CNTN5: variants seen among roughly 807,000 people sequenced by gnomAD.
CNTN5 encodes the protein contactin 5, also known as contactin-5.
A neutral mutation model predicts 129.1 loss-of-function variants in CNTN5; 77 were observed. That is an observed-to-expected ratio of 0.60 (90% CI 0.50 to 0.72). The LOEUF (loss-of-function observed/expected upper bound fraction) is 0.72. Among genes scored for constraint, CNTN5 ranks in the 30% least tolerant of loss-of-function variants. The pLI is 0.00. For missense variants in CNTN5, 1,478 were observed against 1,328.8 expected, an observed-to-expected ratio of 1.11 and a Z score of -1.75; for synonymous variants, 509 against 465.6, an observed-to-expected ratio of 1.09 and a Z score of -1.20.
At chr11:99,533,673 T>C (rs1947796719) in intron 2 of CNTN5, among the ~76,000 whole-genome samples, 1 of 152,198 alleles carries the variant, frequency 6.6e-6, no homozygotes, top group Non-Finnish European at 1.5e-5. Flanking sequence ...CGCTGTTCAC[T>C]GGTGGGGGTA....
At chr11:100,150,983 G>T (rs1213360377) in intron 13 of CNTN5, among the ~76,000 whole-genome samples, 1 of 151,952 alleles carries the variant, frequency 6.6e-6, no homozygotes. Flanking sequence ...TTGAGGACAC[G>T]GTAAAAAAGT....
chr11:99,183,396 T>G (rs1034389696), intron 1 of CNTN5, among the ~76,000 whole-genome samples: 1 of 152,180 alleles, frequency 6.6e-6, no homozygotes, highest in African/African-American at 2.4e-5. Flanking sequence ...GAAGTGATTT[T>G]TGCAGAGATC....
intron 3 of CNTN5, among the ~76,000 whole-genome samples, chr11:99,782,545 G>T (rs1945349988): frequency 6.6e-6 from 1 of 151,678 alleles, no homozygotes; most frequent in Non-Finnish European, 1.5e-5. Context: ...AAAGAACAAA[G>T]CTGGAGGCAT....
At chr11:99,372,705 C>A (rs549577493) in intron 2 of CNTN5, among the ~76,000 whole-genome samples, 1 of 152,158 alleles carries the variant, frequency 6.6e-6, no homozygotes, top group South Asian at 2.1e-4. Context: ...TTGTGATGTT[C>A]TGATTTAAAA....
intron 9 of CNTN5, among the ~76,000 whole-genome samples, chr11:100,059,824 T>C (rs1038324548): frequency 1.3e-5 from 2 of 152,142 alleles, no homozygotes; most frequent in Non-Finnish European, 2.9e-5. Flanking sequence ...GATCCATCAG[T>C]CCTGCTTTTG....
chr11:99,871,051 A>C (rs1036088515), intron 6 of CNTN5, among the ~76,000 whole-genome samples: 18 of 152,082 alleles, frequency 1.2e-4, no homozygotes, highest in Non-Finnish European at 2.5e-4. Flanking sequence ...TGTAAGTAGC[A>C]ATTTACTAAT....
chr11:99,200,205 T>A (rs1859103557), intron 1 of CNTN5, among the ~76,000 whole-genome samples: 1 of 152,240 alleles, frequency 6.6e-6, no homozygotes, highest in African/African-American at 2.4e-5. Flanking sequence ...ATTAGCTATC[T>A]GATTTTGAGT....
At chr11:100,274,916 TGAA>T (rs1950476728) in intron 18 of CNTN5, among the ~76,000 whole-genome samples, 1 of 152,192 alleles carries the variant, frequency 6.6e-6, no homozygotes, top group South Asian at 2.1e-4. Flanking sequence ...ACCTGGGTGA[TGAA>T]ATAATCTGTA....
chr11:99,831,292 G>T (rs1404434483), intron 4 of CNTN5, among the ~76,000 whole-genome samples: 1 of 152,172 alleles, frequency 6.6e-6, no homozygotes, highest in Non-Finnish European at 1.5e-5. Context: ...CCTGGTTGTG[G>T]AAGTGTTTTT....
chr11:99,694,874 C>A (rs1236234832), intron 3 of CNTN5, among the ~76,000 whole-genome samples: 1 of 152,104 alleles, frequency 6.6e-6, no homozygotes, highest in African/African-American at 2.4e-5. Context: ...CAAAACCATT[C>A]TTCCTGGTAG....
intron 3 of CNTN5, among the ~76,000 whole-genome samples, chr11:99,619,664 G>C (rs550145944): frequency 1.3e-5 from 2 of 152,092 alleles, no homozygotes; most frequent in African/African-American, 4.8e-5. Flanking sequence ...TAAATAAGTT[G>C]GTTTTTCTTT....
At chr11:99,352,838 G>A (rs534309966) in intron 2 of CNTN5, among the ~76,000 whole-genome samples, 138 of 152,292 alleles carry the variant, frequency 9.1e-4, no homozygotes, top group Admixed American at 1.7e-3. Context: ...TGTCGCACTT[G>A]TCAACATCAC....
chr11:99,796,596 T>A (rs1301843), intron 3 of CNTN5, among the ~76,000 whole-genome samples: 88,540 of 151,410 alleles, frequency 0.58, 26,594 homozygotes, highest in East Asian at 0.72. Context: ...GAGGCTGCAC[T>A]GTAAGCAGGC....
At chr11:99,722,106 A>G (rs894334950) in intron 3 of CNTN5, among the ~76,000 whole-genome samples, 2 of 152,208 alleles carry the variant, frequency 1.3e-5, no homozygotes, top group African/African-American at 4.8e-5. Flanking sequence ...TGGAACTATC[A>G]TTCAATCCAG....
At chr11:99,213,066 C>T (rs1298717158) in intron 1 of CNTN5, among the ~76,000 whole-genome samples, 2 of 151,594 alleles carry the variant, frequency 1.3e-5, no homozygotes, top group Admixed American at 1.3e-4. Flanking sequence ...TGGCACACAC[C>T]TGTAGTCTGA....
chr11:99,811,424 C>T (rs1041248214), intron 3 of CNTN5, among the ~76,000 whole-genome samples: 14 of 149,500 alleles, frequency 9.4e-5, no homozygotes, highest in Admixed American at 5.4e-4. Context: ...TTTAGTTCTG[C>T]ATATTCTAAT....
chr11:99,332,727 G>T (rs1355987158), intron 2 of CNTN5, among the ~76,000 whole-genome samples: 1 of 152,000 alleles, frequency 6.6e-6, no homozygotes, highest in Non-Finnish European at 1.5e-5. Context: ...TCAGTGACAA[G>T]ATGTCAAAAT....
intron 2 of CNTN5, among the ~76,000 whole-genome samples, chr11:99,506,481 C>A (rs1350477223): frequency 6.6e-6 from 1 of 152,080 alleles, no homozygotes; most frequent in Non-Finnish European, 1.5e-5. Context: ...CAGTGCCTCT[C>A]ATTTATTCTT....
intron 2 of CNTN5, among the ~76,000 whole-genome samples, chr11:99,496,824 T>G (rs973993287): frequency 1.3e-5 from 2 of 152,204 alleles, no homozygotes; most frequent in Non-Finnish European, 2.9e-5. Context: ...ACTATGGATT[T>G]TCATACGTTT....
Sources: allele counts gnomAD v4.1 joint callset (sites outside exome capture counted in the v4.1 genomes callset), GRCh38; gene constraint gnomAD v4.1.1; transcripts MANE v1.5; gene names NCBI Gene and HGNC (gene_info 2026-07-23, HGNC 2026-07-21).